Variants in MRPL13 observed in about 807,000 individuals in gnomAD.
MRPL13 encodes mitochondrial ribosomal protein L13.
Under a neutral mutation model 29.0 loss-of-function variants are expected in MRPL13, and 33 were observed. The observed-to-expected ratio is 1.14, with a 90% confidence interval of 0.86 to 1.52. The LOEUF is 1.52. MRPL13 is among the 40% of genes most tolerant of loss of function. MRPL13 has a pLI of 0.00. For missense variants in MRPL13, 227 were observed against 216.7 expected, an observed-to-expected ratio of 1.05 and a Z score of -0.30; for synonymous variants, 77 against 68.4, an observed-to-expected ratio of 1.13 and a Z score of -0.62.
At chr8:120,399,591 T>C (rs1395413438) in intron 6 of MRPL13, among the ~76,000 whole-genome samples, 1 of 152,076 alleles carries the variant, frequency 6.6e-6, no homozygotes, top group Non-Finnish European at 1.5e-5. Flanking sequence ...CATAAACAAG[T>C]CTGCAAAATA....
chr8:120,425,290 A>C lies in MRPL13; in HGVS notation c.306+16T>G, dbSNP rs1366002205. On this transcript the variant is annotated intron_variant, in intron 4 of 6. Coordinates refer to ENST00000306185, the MANE Select transcript of MRPL13 (RefSeq NM_014078.6). ...GTCTTTCCAAAGATGATTAATAAAA[A>C]ATACAAGAAACTTACTGCCACTGGA... The C allele has an allele frequency of 6.2e-7, 1 of 1,601,812 alleles. No homozygotes were observed. Among genetic ancestry groups the C allele is most frequent in the African/African-American group, 1.3e-5 (1 of 74,578 alleles).
intron 4 of MRPL13, among the ~76,000 whole-genome samples, chr8:120,421,588 T>G (rs1345472723): frequency 2.6e-5 from 4 of 151,906 alleles, no homozygotes; most frequent in Admixed American, 1.3e-4. Flanking sequence ...ATCTCTTCCT[T>G]GACGAGCCAT....
chr8:120,444,035 G>T (rs577851452), intron 1 of MRPL13, among the ~76,000 whole-genome samples: 2 of 151,964 alleles, frequency 1.3e-5, no homozygotes, highest in African/African-American at 4.8e-5. Flanking sequence ...AAAATAGAAC[G>T]AGGCTAGCTG....
At chr8:120,410,163 GA>G (rs1387027876) in intron 6 of MRPL13, among the ~76,000 whole-genome samples, 19 of 152,182 alleles carry the variant, frequency 1.2e-4, no homozygotes, top group African/African-American at 4.3e-4. Context: ...CTAATATTAT[GA>G]ACATATTTTA....
At chr8:120,429,660 G>A (rs1027220316) in intron 3 of MRPL13, among the ~76,000 whole-genome samples, 10 of 152,038 alleles carry the variant, frequency 6.6e-5, no homozygotes, top group African/African-American at 2.4e-4. Context: ...GGTTCTCTGA[G>A]AATTTTCTAT....
chr8:120,397,150 T>C (rs1364685659), intron 6 of MRPL13, among the ~76,000 whole-genome samples: 1 of 152,152 alleles, frequency 6.6e-6, no homozygotes, highest in Non-Finnish European at 1.5e-5. Flanking sequence ...CACGGATCTT[T>C]GCAGCCTGTG....
chr8:120,410,966 T>G (rs1029543455), intron 6 of MRPL13, among the ~76,000 whole-genome samples: 11 of 151,888 alleles, frequency 7.2e-5, no homozygotes, highest in African/African-American at 2.7e-4. Context: ...TTATTAGAGA[T>G]GGGGTTTCAC....
chr8:120,426,315 A>C (rs2130474194), intron 3 of MRPL13, among the ~76,000 whole-genome samples: 1 of 152,232 alleles, frequency 6.6e-6, no homozygotes, highest in African/African-American at 2.4e-5. Context: ...CCTTCAATAA[A>C]ATTTGAAAAT....
At chr8:120,426,546 T>C (rs539041291) in intron 3 of MRPL13, among the ~76,000 whole-genome samples, 1 of 152,284 alleles carries the variant, frequency 6.6e-6, no homozygotes, top group South Asian at 2.1e-4. Flanking sequence ...TCTTTCTAGT[T>C]TGAAAATTGA....
intron 2 of MRPL13, among the ~76,000 whole-genome samples, chr8:120,432,400 G>T (rs1239333081): frequency 3.3e-5 from 5 of 151,860 alleles, no homozygotes; most frequent in Admixed American, 1.3e-4. Context: ...ATCTTTTAAA[G>T]GCAAATTACT....
intron 6 of MRPL13, among the ~76,000 whole-genome samples, chr8:120,402,124 A>G (rs898982203): frequency 1.3e-5 from 2 of 152,190 alleles, no homozygotes; most frequent in Non-Finnish European, 1.5e-5. Context: ...TACCATTGAC[A>G]TTCTTCACAG....
intron 4 of MRPL13, among the ~76,000 whole-genome samples, chr8:120,424,529 C>T (rs565388426): frequency 6.6e-6 from 1 of 151,978 alleles, no homozygotes; most frequent in Admixed American, 6.6e-5. Context: ...ACTTGGGAGG[C>T]CGAGGTGGGA....
intron 2 of MRPL13, among the ~76,000 whole-genome samples, chr8:120,440,082 T>C (rs1160644205): frequency 6.6e-6 from 1 of 152,190 alleles, no homozygotes; most frequent in East Asian, 1.9e-4. Flanking sequence ...TCTTGGAACT[T>C]AGTCTAGTGA....
Position 120,398,047 on chromosome 8 carries a change from G to A in MRPL13, c.516-1922C>T, listed in dbSNP as rs372700577. ...TGGCCAACATCTAAGCAGTTCAGTC[G>A]ACACAGCCTTTCCAGACTGTTGGCT... On this transcript the variant is annotated intron_variant, in intron 6 of 6. Transcript: ENST00000306185. Among the ~76,000 whole-genome samples, 28 of 152,304 alleles carry A rather than the reference G, an allele frequency of 1.8e-4. No individual in the cohort carries two copies. The East Asian group carries it at 3.7e-3, about 20-fold the overall frequency.
intron 5 of MRPL13, chr8:120,416,182 ATG>A (rs1812800250): frequency 6.6e-6 from 1 of 152,148 alleles, no homozygotes; most frequent in Non-Finnish European, 1.5e-5. Flanking sequence ...TGCTAACTAA[ATG>A]TGTTTATGGA....
intron 6 of MRPL13, among the ~76,000 whole-genome samples, chr8:120,410,918 G>A (rs1189885696): frequency 6.6e-6 from 1 of 151,972 alleles, no homozygotes; most frequent in African/African-American, 2.4e-5. Flanking sequence ...GGGATTACAG[G>A]TGCCCACCAC....
chr8:120,418,821 T>C (rs1812835568), intron 5 of MRPL13, among the ~76,000 whole-genome samples: 1 of 152,036 alleles, frequency 6.6e-6, no homozygotes, highest in Non-Finnish European at 1.5e-5. Context: ...ACCTTAGAGG[T>C]AAAGTGAATA....
chr8:120,395,836 A>C lies in MRPL13; in HGVS notation c.*268T>G. Reference sequence around the variant, plus strand: ...GGTCTGTTTTTTATCATTAAATGCAACACTAAATAGTCAACCAAGTAAGTG... The same window carrying C: ...GGTCTGTTTTTTATCATTAAATGCACCACTAAATAGTCAACCAAGTAAGTG... On this transcript the variant is annotated 3_prime_UTR_variant, in exon 7 of 7. Coordinates refer to ENST00000306185, the MANE Select transcript of MRPL13 (RefSeq NM_014078.6). 3.1e-6 allele frequency: 1 copy of C among 327,654 alleles called. No homozygotes were observed. Among genetic ancestry groups the C allele is most frequent in the South Asian group, 5.8e-5 (1 of 17,390 alleles). 20.3% of individuals were successfully genotyped at this position (327,654 alleles called of 1,614,324 possible). A position where few individuals can be genotyped will look rare whatever the true frequency, so the allele number is the denominator to read the frequency against.
chr8:120,397,089 G>C (rs760067215), intron 6 of MRPL13, among the ~76,000 whole-genome samples: 1 of 152,134 alleles, frequency 6.6e-6, no homozygotes, highest in African/African-American at 2.4e-5. Context: ...TCCCAGCCAC[G>C]GGAAGCAGTG....
Sources: gnomAD v4.1 joint callset for allele counts (sites outside exome capture counted in the v4.1 genomes callset) on GRCh38, gnomAD v4.1.1 for gene constraint, MANE v1.5 for transcripts, NCBI Gene and HGNC (gene_info 2026-07-23, HGNC 2026-07-21) for gene names.